The following MGMT variants were observed in gnomAD, a reference collection of about 807,000 sequenced individuals.
MGMT encodes methylated-DNA--protein-cysteine methyltransferase.
A neutral mutation model predicts 15.9 loss-of-function variants in MGMT; 14 were observed. The ratio of observed to expected loss-of-function variants is 0.88; its 90% CI spans 0.58 to 1.37. MGMT has a LOEUF of 1.37. Ranked by LOEUF, MGMT falls within the 40% of genes most tolerant of loss-of-function variation. The probability of loss-of-function intolerance (pLI) is 0.00; values close to 1 mark genes in which losing one functional copy is unlikely to be tolerated. For synonymous variants in MGMT, 130 were observed against 118.2 expected, an observed-to-expected ratio of 1.10 and a Z score of -0.65; for missense variants, 282 against 268.1, an observed-to-expected ratio of 1.05 and a Z score of -0.36.
chr10:129,693,412 C>T (rs1847992020), intron 2 of MGMT, among the ~76,000 whole-genome samples: 1 of 152,172 alleles, frequency 6.6e-6, no homozygotes, highest in South Asian at 2.1e-4. Flanking sequence ...CCTTTCCTTT[C>T]AAAAGATCCC....
At chr10:129,669,849 T>A (rs920600033) in intron 2 of MGMT, among the ~76,000 whole-genome samples, 1 of 152,198 alleles carries the variant, frequency 6.6e-6, no homozygotes, top group Admixed American at 6.5e-5. Context: ...AAGCATATAA[T>A]TACTGTTTTG....
At chr10:129,535,731 G>A (rs573574975) in intron 1 of MGMT, among the ~76,000 whole-genome samples, 13 of 152,272 alleles carry the variant, frequency 8.5e-5, no homozygotes, top group African/African-American at 3.1e-4. Context: ...CATCCTCTCC[G>A]GGCTGGCTCC....
rs144900396 is a variant in MGMT at position 129,515,598 on chromosome 10, C to T, written c.-12-20643C>T. On this transcript the variant is annotated intron_variant, in intron 1 of 4. Transcript: ENST00000651593. ...GGATATTTATCCCTTCCTGGCTGAG[C>T]GCGGGGCAGTTTCTGCCTGCAGATT... is the stretch of plus-strand genomic sequence containing the variant. Among the ~76,000 whole-genome samples the T allele has an allele frequency of 1.9e-4, 29 of 152,306 alleles. No individual in the cohort carries two copies. In the East Asian group the frequency reaches 4.8e-3, roughly 25 times the overall value.
chr10:129,517,106 G>C (rs912818762), intron 1 of MGMT, among the ~76,000 whole-genome samples: 3 of 152,166 alleles, frequency 2.0e-5, no homozygotes, highest in Non-Finnish European at 4.4e-5. Context: ...GAGCACAGAG[G>C]GTAGAAGAAG....
intron 2 of MGMT, among the ~76,000 whole-genome samples, chr10:129,635,621 A>G (rs1847256771): frequency 6.6e-6 from 1 of 152,250 alleles, no homozygotes; most frequent in South Asian, 2.1e-4. Context: ...AAATAATTGT[A>G]AGATACATAA....
chr10:129,610,766 G>A (rs1846950479), intron 2 of MGMT, among the ~76,000 whole-genome samples: 1 of 152,122 alleles, frequency 6.6e-6, no homozygotes, highest in Non-Finnish European at 1.5e-5. Context: ...TGGCTCATTA[G>A]GCAAAAGTTT....
At chr10:129,671,144 G>T (rs114312403) in intron 2 of MGMT, among the ~76,000 whole-genome samples, 3 of 152,098 alleles carry the variant, frequency 2.0e-5, no homozygotes, top group Non-Finnish European at 4.4e-5. Context: ...AGTAAAAATC[G>T]AATTACATAA....
At chr10:129,634,845 TC>T (rs1216264280) in intron 2 of MGMT, among the ~76,000 whole-genome samples, 2 of 152,238 alleles carry the variant, frequency 1.3e-5, no homozygotes, top group African/African-American at 4.8e-5. Context: ...GATCATATTT[TC>T]CTGCTTCTTT....
chr10:129,535,699 A>G (rs576672328), intron 1 of MGMT, among the ~76,000 whole-genome samples: 2 of 152,248 alleles, frequency 1.3e-5, no homozygotes, highest in African/African-American at 2.4e-5. Context: ...CCACAGCATT[A>G]GTGGAACACC....
chr10:129,651,142 C>G (rs1847452890), intron 2 of MGMT, among the ~76,000 whole-genome samples: 1 of 152,226 alleles, frequency 6.6e-6, no homozygotes, highest in Non-Finnish European at 1.5e-5. Context: ...TTCCCAGCAT[C>G]TCCTCGGCAT....
At chr10:129,694,985 AT>A (rs1848013964) in intron 2 of MGMT, among the ~76,000 whole-genome samples, 1 of 152,136 alleles carries the variant, frequency 6.6e-6, no homozygotes, top group Non-Finnish European at 1.5e-5. Flanking sequence ...TGAGTTTCAG[AT>A]TTTTTTCTGT....
At chr10:129,669,974 A>G (rs190731997) in intron 2 of MGMT, among the ~76,000 whole-genome samples, 25 of 152,318 alleles carry the variant, frequency 1.6e-4, no homozygotes, top group African/African-American at 5.8e-4. Context: ...AAAAATTTTA[A>G]TATCAAACCT....
intron 4 of MGMT, among the ~76,000 whole-genome samples, chr10:129,762,871 G>A (rs1026599055): frequency 2.0e-5 from 3 of 152,028 alleles, no homozygotes; most frequent in Non-Finnish European, 4.4e-5. Flanking sequence ...AGAAAAAAAC[G>A]CACAGGGAGC....
At chr10:129,671,245 A>G (rs1200779507) in intron 2 of MGMT, among the ~76,000 whole-genome samples, 1 of 152,180 alleles carries the variant, frequency 6.6e-6, no homozygotes, top group Non-Finnish European at 1.5e-5. Context: ...TGTTATCCAT[A>G]CCTTGGAGGC....
At chr10:129,646,790 A>T (rs1847400436) in intron 2 of MGMT, among the ~76,000 whole-genome samples, 1 of 137,934 alleles carries the variant, frequency 7.2e-6, no homozygotes, top group Non-Finnish European at 1.6e-5. Flanking sequence ...GGAGAAGTAG[A>T]TGCTTGTCAG....
intron 2 of MGMT, among the ~76,000 whole-genome samples, chr10:129,582,382 T>C (rs961073245): frequency 6.6e-6 from 1 of 152,232 alleles, no homozygotes; most frequent in African/African-American, 2.4e-5. Flanking sequence ...GCAGTGTTGC[T>C]GTGCTCTGCC....
At chr10:129,498,598 TACTC>T (rs1201406503) in intron 1 of MGMT, among the ~76,000 whole-genome samples, 3 of 152,240 alleles carry the variant, frequency 2.0e-5, no homozygotes, top group Non-Finnish European at 4.4e-5. Flanking sequence ...TTAATTTTGT[TACTC>T]AAATAGCCCC....
chr10:129,675,852 T>C (rs2133116077), intron 2 of MGMT, among the ~76,000 whole-genome samples: 1 of 152,228 alleles, frequency 6.6e-6, no homozygotes, highest in South Asian at 2.1e-4. Context: ...AGAGCCCATT[T>C]CCCTGTGGCA....
At chr10:129,741,433 C>T (rs1838180221) in intron 3 of MGMT, among the ~76,000 whole-genome samples, 1 of 152,194 alleles carries the variant, frequency 6.6e-6, no homozygotes, top group African/African-American at 2.4e-5. Context: ...GCAGCCCATC[C>T]CTGAGGGCTC....
Sources: gnomAD v4.1 joint callset for allele counts (sites outside exome capture counted in the v4.1 genomes callset) on GRCh38, gnomAD v4.1.1 for gene constraint, MANE v1.5 for transcripts, NCBI Gene and HGNC (gene_info 2026-07-23, HGNC 2026-07-21) for gene names.